Variants in BOLL observed in about 807,000 individuals in gnomAD.
BOLL encodes boule RNA binding protein.
BOLL carries 23 observed loss-of-function variants against 44.4 expected under a neutral mutation model. The observed-to-expected ratio is 0.52, with a 90% confidence interval of 0.37 to 0.73. The LOEUF (loss-of-function observed/expected upper bound fraction) is 0.73, where lower values mean the gene tolerates loss of function less well. Among genes scored for constraint, BOLL ranks in the 30% least tolerant of loss-of-function variants. BOLL has a pLI of 0.00. For missense variants in BOLL, 287 were observed against 338.3 expected (o/e 0.85, Z 1.19); for synonymous variants, 97 against 110.8 (o/e 0.88, Z 0.78).
intron 6 of BOLL, among the ~76,000 whole-genome samples, chr2:197,769,397 T>C (rs1258201839): frequency 6.6e-6 from 1 of 152,112 alleles, no homozygotes; most frequent in Non-Finnish European, 1.5e-5. Flanking sequence ...TGGGAGGGTG[T>C]ATGTGTCCAG....
chr2:197,774,429 A>G (rs1689415849), intron 5 of BOLL: 1 of 152,366 alleles, frequency 6.6e-6, no homozygotes, highest in Non-Finnish European at 1.5e-5. Context: ...TTGGGATTGA[A>G]TTTTCTATTT....
At chr2:197,770,360 G>A (rs1276007436) in intron 6 of BOLL, among the ~76,000 whole-genome samples, 1 of 152,116 alleles carries the variant, frequency 6.6e-6, no homozygotes, top group African/African-American at 2.4e-5. Context: ...ATAGATTAAA[G>A]ACTTCAAATG....
chr2:197,773,358 C>T (rs758654302), intron 5 of BOLL, among the ~76,000 whole-genome samples: 1 of 151,620 alleles, frequency 6.6e-6, no homozygotes. Context: ...GAACAGGGCC[C>T]TAGTGATACA....
At chr2:197,767,373 A>T (rs952349994) in intron 6 of BOLL, among the ~76,000 whole-genome samples, 1 of 152,076 alleles carries the variant, frequency 6.6e-6, no homozygotes, top group African/African-American at 2.4e-5. Context: ...GAGGAAAAGT[A>T]TCACAGTTTT....
At chr2:197,776,956 AC>A (rs1558997008) in intron 4 of BOLL, 102 bp downstream of exon 4, 5 of 898,968 alleles carry the variant, frequency 5.6e-6, no homozygotes, top group Non-Finnish European at 8.1e-6. Context: ...TAAGATGCAA[AC>A]CTTTTTTAAA....
At position 197,785,110 on chromosome 2, in the gene BOLL, A is replaced by C. The variant is rs1016512650; in HGVS notation, c.-70T>G. ...CCCTCCAAGGCCAGCAAGTTGCGGC[A>C]CTGGGGGAAATGGCCGCGGCGACAA... On this transcript the variant is annotated 5_prime_UTR_variant, in exon 1 of 11. Transcript: ENST00000392296. The surrounding 1 kb of genome is among the most constrained non-coding windows in gnomAD (Gnocchi z 6.7). 3.0e-6 allele frequency: 3 copies of C among 985,842 alleles called. No individual in the cohort carries two copies. Among genetic ancestry groups the C allele is most frequent in the Non-Finnish European group, 3.6e-6 (3 of 829,936 alleles). The allele number at this position is 985,842 out of a possible 1,614,324, so 61.1% of individuals were successfully genotyped here. A position where few individuals can be genotyped will look rare whatever the true frequency, so the allele number is the denominator to read the frequency against.
At chr2:197,785,404 C>T, upstream of BOLL, 1 of 983,744 alleles carries the variant, frequency 1.0e-6, no homozygotes, top group Non-Finnish European at 1.2e-6. The surrounding 1 kb of genome is among the most constrained non-coding windows in gnomAD (Gnocchi z 6.7). Flanking sequence ...CGCTGCGCCT[C>T]GGGCCTGTGC....
chr2:197,759,680 G>C (rs992186020), intron 7 of BOLL, among the ~76,000 whole-genome samples: 1 of 152,192 alleles, frequency 6.6e-6, no homozygotes, highest in East Asian at 1.9e-4. Flanking sequence ...ACCAACGTCT[G>C]TTGCCCTCAC....
At chr2:197,758,119 T>TA (rs1688598751) in intron 7 of BOLL, among the ~76,000 whole-genome samples, 1 of 152,192 alleles carries the variant, frequency 6.6e-6, no homozygotes, top group Non-Finnish European at 1.5e-5. Context: ...TAAACAAAGT[T>TA]ACCGTATGAC....
chr2:197,729,767 G>GA (rs1490626254), intron 10 of BOLL, among the ~76,000 whole-genome samples: 13 of 151,756 alleles, frequency 8.6e-5, no homozygotes, highest in African/African-American at 2.9e-4. Flanking sequence ...CTGTTAGAAG[G>GA]AAAACTAACA....
intron 7 of BOLL, among the ~76,000 whole-genome samples, chr2:197,760,740 G>A (rs920943207): frequency 2.6e-5 from 4 of 152,044 alleles, no homozygotes; most frequent in African/African-American, 9.7e-5. Context: ...CTAGCAGATA[G>A]GTTGAATCTA....
intron 3 of BOLL, 35 bp from the exon 4 acceptor site, chr2:197,777,148 T>C (rs1252667869): frequency 1.5e-6 from 2 of 1,344,538 alleles, no homozygotes; most frequent in East Asian, 2.5e-5. Flanking sequence ...TAATTAATCA[T>C]TTTCTTAGAA....
chr2:197,737,426 G>C (rs907638909), intron 10 of BOLL, among the ~76,000 whole-genome samples: 1 of 152,050 alleles, frequency 6.6e-6, no homozygotes, highest in Non-Finnish European at 1.5e-5. Context: ...CTAAGTGGGT[G>C]AGCATTTTTT....
At chr2:197,751,290 C>G (rs939035615) in intron 9 of BOLL, among the ~76,000 whole-genome samples, 1 of 151,900 alleles carries the variant, frequency 6.6e-6, no homozygotes, top group Non-Finnish European at 1.5e-5. Flanking sequence ...CAAGAAATAA[C>G]TATATTAGAG....
At chr2:197,733,918 T>C (rs1244303563) in intron 10 of BOLL, among the ~76,000 whole-genome samples, 5 of 152,150 alleles carry the variant, frequency 3.3e-5, no homozygotes, top group East Asian at 3.9e-4. Flanking sequence ...ACTTCATGTC[T>C]AAAACACCAA....
Position 197,785,233 on chromosome 2 carries a change from G to A in BOLL, c.-193C>T, listed in dbSNP as rs983433280. 12 of 985,808 alleles carry A rather than the reference G, an allele frequency of 1.2e-5. No individual in the cohort carries two copies. Among genetic ancestry groups the A allele is most frequent in the Admixed American group, 6.1e-5 (1 of 16,278 alleles). The allele number at this position is 985,808 out of a possible 1,614,324, so 61.1% of individuals were successfully genotyped here. A position where few individuals can be genotyped will look rare whatever the true frequency, so the allele number is the denominator to read the frequency against. The stretch of plus-strand genomic sequence containing the variant: ...GCGGGAGGGAAAAGAAGGCTAGCCA[G>A]CGAGAAATTTTGCCCCACAAATCCG... On this transcript the variant is annotated 5_prime_UTR_variant, in exon 1 of 11. Coordinates refer to ENST00000392296, the MANE Select transcript of BOLL (RefSeq NM_033030.6). The surrounding 1 kb of genome is among the most constrained non-coding windows in gnomAD (Gnocchi z 6.7).
upstream of BOLL, among the ~76,000 whole-genome samples, chr2:197,785,540 T>C (rs1037345327): frequency 2.6e-5 from 4 of 152,270 alleles, no homozygotes; most frequent in Admixed American, 1.3e-4. The surrounding 1 kb of genome is among the most constrained non-coding windows in gnomAD (Gnocchi z 6.7). Context: ...CTTCCGGTCC[T>C]CGCTGACCAG....
At chr2:197,777,469 G>T (rs955134252) in intron 3 of BOLL, among the ~76,000 whole-genome samples, 1 of 151,660 alleles carries the variant, frequency 6.6e-6, no homozygotes, top group African/African-American at 2.4e-5. Flanking sequence ...TTGGCTAAGA[G>T]AAATCAAAGT....
intron 10 of BOLL, among the ~76,000 whole-genome samples, chr2:197,734,873 G>T (rs1456365992): frequency 6.6e-6 from 1 of 152,062 alleles, no homozygotes; most frequent in Non-Finnish European, 1.5e-5. Context: ...GTTAATGGGT[G>T]CAGCACACCA....
Sources: allele counts gnomAD v4.1 joint callset (sites outside exome capture counted in the v4.1 genomes callset), GRCh38; gene constraint gnomAD v4.1.1; non-coding constraint Gnocchi (gnomAD v3.1); transcripts MANE v1.5; gene names NCBI Gene and HGNC (gene_info 2026-07-23, HGNC 2026-07-21).